CMTM7: variants seen among roughly 807,000 people sequenced by gnomAD.
The protein encoded by CMTM7 is CKLF-like MARVEL transmembrane domain-containing protein 7.
Under a neutral mutation model 19.3 loss-of-function variants are expected in CMTM7, and 7 were observed. That is an observed-to-expected ratio of 0.36 (90% CI 0.21 to 0.68). CMTM7 has a LOEUF of 0.68. Ranked by LOEUF, CMTM7 falls within the 30% of genes least tolerant of loss-of-function variation. The pLI, the probability that CMTM7 is intolerant of heterozygous loss-of-function variation, is 0.60. For synonymous variants in CMTM7, 87 were observed against 99.3 expected (o/e 0.88, Z 0.74); for missense variants, 193 against 232.6 (o/e 0.83, Z 1.11).
chr3:32,408,188 G>A (rs1696116966), intron 1 of CMTM7, among the ~76,000 whole-genome samples: 1 of 152,202 alleles, frequency 6.6e-6, no homozygotes, highest in African/African-American at 2.4e-5. Context: ...GTTGACTTCA[G>A]CCCAATGATA....
intron 1 of CMTM7, among the ~76,000 whole-genome samples, chr3:32,408,514 TGA>T (rs755569602): frequency 1.5e-4 from 23 of 152,204 alleles, no homozygotes; most frequent in Non-Finnish European, 7.3e-5. Context: ...GCTTATTTAA[TGA>T]GAGAAGCAGT....
At chr3:32,396,912 G>A (rs1191546122) in intron 1 of CMTM7, among the ~76,000 whole-genome samples, 3 of 152,184 alleles carry the variant, frequency 2.0e-5, no homozygotes, top group Admixed American at 6.5e-5. Flanking sequence ...CTACCAACAC[G>A]TCCTATCTAT....
intron 4 of CMTM7, among the ~76,000 whole-genome samples, chr3:32,452,805 C>T (rs888145240): frequency 6.7e-6 from 1 of 148,956 alleles, no homozygotes; most frequent in Non-Finnish European, 1.5e-5. Context: ...CAGGCTGGTG[C>T]AGTGGTACGA....
intron 1 of CMTM7, among the ~76,000 whole-genome samples, chr3:32,404,380 C>T (rs1342487631): frequency 1.3e-5 from 2 of 151,982 alleles, no homozygotes; most frequent in Non-Finnish European, 2.9e-5. Flanking sequence ...AGGCTGGGCT[C>T]GAACTCCTGA....
At chr3:32,452,191 G>A (rs1052672762) in intron 3 of CMTM7, 3 of 1,504,776 alleles carry the variant, frequency 2.0e-6, no homozygotes, top group East Asian at 2.6e-5. Flanking sequence ...CCAACCTGGA[G>A]GACTGGGGCC....
At chr3:32,395,594 T>TA (rs963933957) in intron 1 of CMTM7, among the ~76,000 whole-genome samples, 2 of 152,168 alleles carry the variant, frequency 1.3e-5, no homozygotes, top group Admixed American at 1.3e-4. Flanking sequence ...CACAGTGAGA[T>TA]AACACTTCAC....
chr3:32,424,298 A>G (rs1055229602), intron 1 of CMTM7, among the ~76,000 whole-genome samples: 1 of 152,168 alleles, frequency 6.6e-6, no homozygotes, highest in Non-Finnish European at 1.5e-5. Flanking sequence ...GAGAGTGCGG[A>G]CCAGAAAGAA....
intron 1 of CMTM7, among the ~76,000 whole-genome samples, chr3:32,439,452 A>G (rs920903674): frequency 6.6e-6 from 1 of 151,988 alleles, no homozygotes; most frequent in African/African-American, 2.4e-5. Context: ...TTGTGATTTG[A>G]TTTGATTTTT....
chr3:32,444,387 T>A (rs1042160163), intron 2 of CMTM7, among the ~76,000 whole-genome samples: 1 of 152,256 alleles, frequency 6.6e-6, no homozygotes, highest in African/African-American at 2.4e-5. Flanking sequence ...GATTTAGTTC[T>A]GGACTCTCAA....
At chr3:32,392,696 G>C (rs1695858053) in intron 1 of CMTM7, among the ~76,000 whole-genome samples, 1 of 152,220 alleles carries the variant, frequency 6.6e-6, no homozygotes, top group African/African-American at 2.4e-5. Context: ...TGGAGGGCAG[G>C]GGGTCAGTTG....
At chr3:32,425,730 C>T (rs977505033) in intron 1 of CMTM7, among the ~76,000 whole-genome samples, 5 of 152,128 alleles carry the variant, frequency 3.3e-5, no homozygotes, top group African/African-American at 1.2e-4. Flanking sequence ...ACATTGAGTT[C>T]ACTAGAATTT....
At chr3:32,434,048 G>A (rs979745431) in intron 1 of CMTM7, among the ~76,000 whole-genome samples, 2 of 152,004 alleles carry the variant, frequency 1.3e-5, no homozygotes, top group African/African-American at 4.8e-5. Context: ...AAATAGCTGG[G>A]CCTGGTGGTG....
intron 1 of CMTM7, among the ~76,000 whole-genome samples, chr3:32,407,178 A>T (rs1340228726): frequency 6.6e-6 from 1 of 152,094 alleles, no homozygotes; most frequent in African/African-American, 2.4e-5. Context: ...TACTTTGGGG[A>T]CATACAAATC....
intron 1 of CMTM7, among the ~76,000 whole-genome samples, chr3:32,427,594 C>A (rs1319047435): frequency 6.6e-6 from 1 of 152,122 alleles, no homozygotes; most frequent in East Asian, 1.9e-4. Context: ...GTCACACTAG[C>A]CCATTATAAA....
At chr3:32,423,184 C>T (rs933974302) in intron 1 of CMTM7, among the ~76,000 whole-genome samples, 1 of 152,124 alleles carries the variant, frequency 6.6e-6, no homozygotes, top group Non-Finnish European at 1.5e-5. Flanking sequence ...TGTCCACGTG[C>T]CTCTCATCCT....
At chr3:32,438,837 C>G (rs1039589397) in intron 1 of CMTM7, among the ~76,000 whole-genome samples, 2 of 152,210 alleles carry the variant, frequency 1.3e-5, no homozygotes, top group African/African-American at 2.4e-5. Context: ...TGGGAAACTT[C>G]CACATCCCTG....
intron 1 of CMTM7, among the ~76,000 whole-genome samples, chr3:32,411,147 C>G (rs1437250222): frequency 6.6e-6 from 1 of 152,176 alleles, no homozygotes; most frequent in Non-Finnish European, 1.5e-5. Context: ...GCTTCCCTGT[C>G]GCTGAAAATC....
rs1559407626 is a variant in CMTM7, at chr3:32,422,201, C to CT, written c.160-19635dup. ...CACATGCTTACAAATCCCTTAATGG[C>CT]TTTTCTATTCTTGTTTTGTCGTTTT... On this transcript the variant is annotated intron_variant, in intron 1 of 4. Transcript: ENST00000334983. 2.6e-5 allele frequency among the ~76,000 whole-genome samples: 4 copies of CT among 152,306 alleles called. No individual in the cohort carries two copies. In the South Asian group the frequency reaches 6.2e-4, roughly 24 times the overall value.
At chr3:32,438,596 A>T (rs191893043) in intron 1 of CMTM7, among the ~76,000 whole-genome samples, 22 of 152,324 alleles carry the variant, frequency 1.4e-4, no homozygotes, top group African/African-American at 5.3e-4. Context: ...AGCACACACC[A>T]TACTCTGGCT....
Sources: allele counts gnomAD v4.1 joint callset (sites outside exome capture counted in the v4.1 genomes callset), GRCh38; gene constraint gnomAD v4.1.1; transcripts MANE v1.5; gene names NCBI Gene and HGNC (gene_info 2026-07-23, HGNC 2026-07-21).